The following PUS7L variants were observed in gnomAD, a reference collection of about 807,000 sequenced individuals.
PUS7L encodes the protein pseudouridine synthase 7 like, also known as pseudouridylate synthase PUS7L.
Under a neutral mutation model 51.1 loss-of-function variants are expected in PUS7L, and 49 were observed. The observed-to-expected ratio is 0.96, with a 90% CI of 0.76 to 1.22. The LOEUF is 1.22. Among genes scored for constraint, PUS7L ranks in the 50% most tolerant of loss-of-function variants. The pLI is 0.00. For missense variants in PUS7L, 828 were observed against 820.6 expected, an observed-to-expected ratio of 1.01 and a Z score of -0.11; for synonymous variants, 277 against 276.2, an observed-to-expected ratio of 1.00 and a Z score of -0.03.
chr12:43,722,381 G>A lies in PUS7L; in HGVS notation c.*7995C>T, dbSNP rs1050843735. 1.1e-4 allele frequency: 17 copies of A among 152,190 alleles called. No individual in the cohort carries two copies. Among genetic ancestry groups the A allele is most frequent in the African/African-American group, 3.9e-4 (16 of 41,544 alleles). 9.4% of individuals were successfully genotyped at this position (152,190 alleles called of 1,614,324 possible). A position where few individuals can be genotyped will look rare whatever the true frequency, so the allele number is the denominator to read the frequency against. On this transcript the variant is annotated 3_prime_UTR_variant, in exon 9 of 9. Transcript: ENST00000344862. ...TAGAGTGAAAAACGAAGGCCACCCAGTTAGAACATTATTATAATCATCAAA... is the reference window on the plus strand; with the variant it reads ...TAGAGTGAAAAACGAAGGCCACCCAATTAGAACATTATTATAATCATCAAA...
rs759909472 is a variant in PUS7L at position 43,755,023 on chromosome 12, G to A, written c.223C>T (p.Leu75Phe). Residue 75 changes from leucine (L) to phenylalanine (F), a missense_variant, in exon 2 of 9, where the codon CTT becomes TTT. Coordinates refer to ENST00000344862, the MANE Select transcript of PUS7L (RefSeq NM_031292.5). Reference sequence around the variant, plus strand: ...CCATCTTCTAAGGACAGATTTTGAAGATCTAGTTTTGGTTTTTTGGGAAAA... The same window carrying A: ...CCATCTTCTAAGGACAGATTTTGAAAATCTAGTTTTGGTTTTTTGGGAAAA... ...NNFPKKPKLDLQNLSLEDGRN... is the reference protein window; with the variant it reads ...NNFPKKPKLDFQNLSLEDGRN... The A allele has an allele frequency of 6.2e-7, 1 of 1,612,968 alleles. No individual in the cohort carries two copies. Among genetic ancestry groups the A allele is most frequent in the Admixed American group, 1.7e-5 (1 of 59,822 alleles).
intron 6 of PUS7L, among the ~76,000 whole-genome samples, chr12:43,737,238 A>G (rs1361657397): frequency 6.6e-6 from 1 of 152,200 alleles, no homozygotes; most frequent in Non-Finnish European, 1.5e-5. Context: ...TTTCTTATGC[A>G]TATGAATGTT....
chr12:43,719,801 A>G lies in PUS7L; in HGVS notation c.*10575T>C, dbSNP rs1284115106. The G allele has an allele frequency of 6.6e-6, 1 of 152,122 alleles. No homozygotes were observed. Among genetic ancestry groups the G allele is most frequent in the African/African-American group, 2.4e-5 (1 of 41,424 alleles). 9.4% of individuals were successfully genotyped at this position (152,122 alleles called of 1,614,324 possible). A position where few individuals can be genotyped will look rare whatever the true frequency, so the allele number is the denominator to read the frequency against. On this transcript the variant is annotated 3_prime_UTR_variant, in exon 9 of 9. Transcript: ENST00000344862. ...TTTAATTTTTACAGCACCTATAGTG[A>G]TTTCCTTTCCAATTATGATATTGGT...
Position 43,754,423 on chromosome 12 carries a change from C to T in PUS7L, c.823G>A (p.Val275Met). ...TTTTCCCGAAATCTTACTGTTACCA[C>T]CACATTCGGATTACCAGCACTGCAA... ...MNCSAGNPNV[V>M]VTVRFREKAH... The change falls in exon 2 of 9, where the codon GTG (valine) becomes ATG (methionine). Residue 275 changes from valine (V) to methionine (M), a missense_variant. Transcript: ENST00000344862. The T allele has an allele frequency of 6.2e-7, 1 of 1,613,694 alleles. No individual in the cohort carries two copies. The highest frequency in any genetic ancestry group is 1.3e-5 in the African/African-American group (1 of 75,018).
intron 5 of PUS7L, among the ~76,000 whole-genome samples, chr12:43,741,571 G>C (rs536100665): frequency 6.6e-6 from 1 of 152,174 alleles, no homozygotes; most frequent in African/African-American, 2.4e-5. Flanking sequence ...CATTTTACAA[G>C]TTAATTTTCA....
chr12:43,745,677 T>C (rs1938127859), intron 4 of PUS7L, among the ~76,000 whole-genome samples: 1 of 152,170 alleles, frequency 6.6e-6, no homozygotes, highest in Non-Finnish European at 1.5e-5. Context: ...GTGTGTGTGA[T>C]TTATAATGTG....
rs535355968 is a variant in PUS7L at position 43,734,900 on chromosome 12, G to A, written c.1725+1481C>T. Among the ~76,000 whole-genome samples the A allele has an allele frequency of 2.1e-4, 32 of 152,280 alleles. 1 individual carries two copies. The highest frequency in any genetic ancestry group is 7.7e-4 in the African/African-American group (32 of 41,546). ...TTTCACTAATTTTTAAAATTTATGA[G>A]ACTGACTTATGATAAAGTTGGAGAA... On this transcript the variant is annotated intron_variant, in intron 7 of 8. Coordinates refer to ENST00000344862, the MANE Select transcript of PUS7L (RefSeq NM_031292.5).
At chr12:43,748,123 T>A (rs1938258537) in intron 3 of PUS7L, among the ~76,000 whole-genome samples, 1 of 152,214 alleles carries the variant, frequency 6.6e-6, no homozygotes, top group Non-Finnish European at 1.5e-5. Flanking sequence ...GGCTTACCGG[T>A]AACTTCATTT....
rs541092829 is a variant in PUS7L at position 43,720,538 on chromosome 12, C to T, written c.*9838G>A. On this transcript the variant is annotated 3_prime_UTR_variant, in exon 9 of 9. Transcript: ENST00000344862. ...TGATATATAGAGATTTTCCTGTTAT[C>T]TTTTTGTTGTTCATTTCTAGCCTAA... 1 of 152,256 alleles carries T rather than the reference C, an allele frequency of 6.6e-6. No individual in the cohort carries two copies. The highest frequency in any genetic ancestry group is 1.9e-4 in the East Asian group (1 of 5,176). The allele number at this position is 152,256 out of a possible 1,614,324, so 9.4% of individuals were successfully genotyped here. A position where few individuals can be genotyped will look rare whatever the true frequency, so the allele number is the denominator to read the frequency against.
chr12:43,735,777 T>C (rs1944672006), intron 7 of PUS7L, among the ~76,000 whole-genome samples: 1 of 152,042 alleles, frequency 6.6e-6, no homozygotes, highest in Non-Finnish European at 1.5e-5. Context: ...TCATCTGTAA[T>C]GTTTTTATTT....
intron 2 of PUS7L, among the ~76,000 whole-genome samples, chr12:43,752,586 C>T (rs1453124532): frequency 1.3e-5 from 2 of 152,160 alleles, no homozygotes; most frequent in African/African-American, 4.8e-5. Flanking sequence ...CATGCTACAA[C>T]ATAGATGAAT....
At position 43,754,670 on chromosome 12, in the gene PUS7L, G is replaced by T. The variant is rs1476646616; in HGVS notation, c.576C>A (p.Asn192Lys). ...KFPFLVTVGK[N>K]SEIVVKPNLE... is the part of the protein sequence containing the mutation. The stretch of plus-strand genomic sequence containing the variant: ...GATTTGGTTTTACAACAATTTCACT[G>T]TTTTTTCCTACAGTTACTAAAAATG... Residue 192 changes from asparagine to lysine, a missense_variant, in exon 2 of 9, where the codon AAC becomes AAA. Coordinates refer to ENST00000344862, the MANE Select transcript of PUS7L (RefSeq NM_031292.5). 1.9e-6 allele frequency: 3 copies of T among 1,613,678 alleles called. No homozygotes were observed. The highest frequency in any genetic ancestry group is 1.7e-5 in the Admixed American group (1 of 60,006).
At position 43,751,662 on chromosome 12, in the gene PUS7L, G is replaced by A. The variant is rs564917259; in HGVS notation, c.910+2674C>T. Among the ~76,000 whole-genome samples the A allele has an allele frequency of 3.9e-5, 6 of 152,222 alleles. No individual in the cohort carries two copies. The East Asian group carries it at 1.2e-3, about 29-fold the overall frequency. On this transcript the variant is annotated intron_variant, in intron 2 of 8. Transcript: ENST00000344862. ...GAGTAGTGCTGCAATAAACATACGT[G>A]TGCATGTGTCTTTATAGCAGCATGA...
rs949162473 is a variant in PUS7L at position 43,720,007 on chromosome 12, C to T, written c.*10369G>A. 1.3e-5 allele frequency: 2 copies of T among 152,070 alleles called. No individual in the cohort carries two copies. The highest frequency in any genetic ancestry group is 2.9e-5 in the Non-Finnish European group (2 of 68,016). The allele number at this position is 152,070 out of a possible 1,614,324, so 9.4% of individuals were successfully genotyped here. A position where few individuals can be genotyped will look rare whatever the true frequency, so the allele number is the denominator to read the frequency against. ...TGATGTTCTACTTGATGTCATTTTC[C>T]TAACTTCTTTAGATGGGTGCATAGC... On this transcript the variant is annotated 3_prime_UTR_variant, in exon 9 of 9. Transcript: ENST00000344862.
In PUS7L at chr12:43,738,513, C is replaced by T; in HGVS notation, c.1363-122G>A. 4.9e-6 allele frequency: 3 copies of T among 610,940 alleles called. No homozygotes were observed. The South Asian group carries it at 6.1e-5, about 12-fold the overall frequency. 37.8% of individuals were successfully genotyped at this position (610,940 alleles called of 1,614,324 possible). On this transcript the variant is annotated intron_variant, in intron 5 of 8. Transcript: ENST00000344862. ...GATTTAATAATTATACTTGATGCTG[C>T]AATTTTCTCTTTAGGCTTGCAAAAA...
In PUS7L at chr12:43,746,057, C is replaced by G. The variant is rs1938151988; in HGVS notation, c.1252G>C (p.Glu418Gln). 4.7e-6 allele frequency: 7 copies of G among 1,484,354 alleles called. No homozygotes were observed. Among genetic ancestry groups the G allele is most frequent in the Non-Finnish European group, 4.6e-6 (5 of 1,075,992 alleles). 91.9% of individuals were successfully genotyped at this position (1,484,354 alleles called of 1,614,324 possible). ...TTAAGTTTTCTTACCTTAACATTTT[C>G]TATTGCTTCCATAATTCTCTCCCTC... ...NLRERIMEAI[E>Q]NVKKKGFVNY... Residue 418 changes from glutamate (E) to glutamine (Q), a missense_variant, in exon 4 of 9, where the codon GAA (glutamate) becomes CAA (glutamine). Glu to Gln is a conservative substitution (Grantham distance 29, BLOSUM62 2). Coordinates refer to ENST00000344862, the MANE Select transcript of PUS7L (RefSeq NM_031292.5).
chr12:43,723,756 G>GCT lies in PUS7L; in HGVS notation c.*6618_*6619dup, dbSNP rs1944423434. On this transcript the variant is annotated 3_prime_UTR_variant, in exon 9 of 9. Transcript: ENST00000344862. ...CTATTAAATATACATAAATCAGAGG[G>GCT]CTTAGAAAAACAGATTAAAACAGTA... 2 of 151,910 alleles carry GCT rather than the reference G, an allele frequency of 1.3e-5. No homozygotes were observed. The highest frequency in any genetic ancestry group is 2.9e-5 in the Non-Finnish European group (2 of 67,924). 9.4% of individuals were successfully genotyped at this position (151,910 alleles called of 1,614,324 possible).
chr12:43,754,570 T>C lies in PUS7L; in HGVS notation c.676A>G (p.Lys226Glu). 6.2e-7 allele frequency: 1 copy of C among 1,609,266 alleles called. No individual in the cohort carries two copies. Among genetic ancestry groups the C allele is most frequent in the South Asian group, 1.1e-5 (1 of 90,154 alleles). Residue 226 changes from lysine to glutamate, a missense_variant, in exon 2 of 9, where the codon AAA (lysine) becomes GAA (glutamate). By Grantham distance (56) the Lys-to-Glu change is moderately conservative (BLOSUM62 1). Transcript: ENST00000344862. ...FDFFKYLDAK[K>E]ENSKFTFKPD... ...TTAAAGGTAAATTTGGAATTTTCTT[T>C]CTTTGCATCCAAATATTTAAAAAAG...
intron 5 of PUS7L, among the ~76,000 whole-genome samples, chr12:43,740,132 C>A (rs1238446620): frequency 6.6e-6 from 1 of 152,068 alleles, no homozygotes; most frequent in African/African-American, 2.4e-5. Context: ...TATTTTAAAT[C>A]CTAAATGATT....
Sources: gnomAD v4.1 joint callset for allele counts (sites outside exome capture counted in the v4.1 genomes callset) on GRCh38, gnomAD v4.1.1 for gene constraint, MANE v1.5 for transcripts, NCBI Gene and HGNC (gene_info 2026-07-23, HGNC 2026-07-21) for gene names.